The following MAPK8IP2 variants were observed in gnomAD, a reference collection of about 807,000 sequenced individuals.
MAPK8IP2 encodes mitogen-activated protein kinase 8 interacting protein 2.
Under a neutral mutation model 75.6 loss-of-function variants are expected in MAPK8IP2, and 15 were observed. The observed-to-expected ratio is 0.20, with a 90% CI of 0.13 to 0.31. The LOEUF (loss-of-function observed/expected upper bound fraction) is 0.31. MAPK8IP2 is among the 10% of genes least tolerant of loss of function. The pLI is 1.00. For missense variants in MAPK8IP2, 1,089 were observed against 1,211.2 expected, an observed-to-expected ratio of 0.90 and a Z score of 1.50; for synonymous variants, 632 against 554.5, an observed-to-expected ratio of 1.14 and a Z score of -1.96.
rs1482984346 is a variant in MAPK8IP2, at chr22:50,612,893, T to TGCCCG, written c.*2119_*2123dup. 4.6e-4 allele frequency: 14 copies of TGCCCG among 30,172 alleles called. 1 individual carries two copies. Among genetic ancestry groups the TGCCCG allele is most frequent in the Non-Finnish European group, 7.6e-4 (12 of 15,850 alleles). The allele number at this position is 30,172 out of a possible 1,614,324, so 1.9% of individuals were successfully genotyped here. A position where few individuals can be genotyped will look rare whatever the true frequency, so the allele number is the denominator to read the frequency against. ...CCCCTGCCCGGCCTGGCCCCGCCCC[T>TGCCCG]GCCCGGCCCCGCCCCCCAACGTGTC... On this transcript the variant is annotated 3_prime_UTR_variant, in exon 12 of 12. Coordinates refer to ENST00000329492, the MANE Select transcript of MAPK8IP2 (RefSeq NM_012324.6).
At position 50,604,016 on chromosome 22, in the gene MAPK8IP2, C is replaced by T; in HGVS notation, c.717C>T (p.Gly239=). 1.9e-6 allele frequency: 3 copies of T among 1,553,672 alleles called. No homozygotes were observed. The highest frequency in any genetic ancestry group is 1.7e-4 in the Middle Eastern group (1 of 5,892). ...ACCTGAGAAGCCGCTCGAGCGGCGG[C>T]CGCGGGGGACGTCGCAGCAGCCAGG... ...EADLRSRSSG[G]RGGRRSSQEL... Residue 239 remains glycine, a synonymous_variant, in exon 5 of 12, where the codon GGC becomes GGT. Coordinates refer to ENST00000329492, the MANE Select transcript of MAPK8IP2 (RefSeq NM_012324.6).
Position 50,603,491 on chromosome 22 carries a change from G to A in MAPK8IP2, c.440G>A (p.Gly147Glu), listed in dbSNP as rs1291210101. 6.4e-7 allele frequency: 1 copy of A among 1,561,242 alleles called. No homozygotes were observed. Among genetic ancestry groups the A allele is most frequent in the Non-Finnish European group, 8.7e-7 (1 of 1,149,756 alleles). The change falls in exon 3 of 12, where the codon GGG (glycine) becomes GAG (glutamate). Residue 147 changes from glycine (G) to glutamate (E), a missense_variant. Transcript: ENST00000329492. ...RPTTLRLTTL[G>E]AQDSLNNNGG... The stretch of plus-strand genomic sequence containing the variant: ...ACCACCCTCCGTCTGACCACACTGG[G>A]GGCCCAGGTGAGTGCCCGGACCCAC...
intron 5 of MAPK8IP2, 93 bp from the exon 6 acceptor site, chr22:50,605,275 G>T: frequency 7.9e-7 from 1 of 1,267,168 alleles, no homozygotes; most frequent in East Asian, 2.4e-5. Flanking sequence ...GGACTGTGGA[G>T]GGGACTTGGC....
In MAPK8IP2 at chr22:50,605,751, G is replaced by C; in HGVS notation, c.2014+17G>C. 1 of 1,604,718 alleles carries C rather than the reference G, an allele frequency of 6.2e-7. No individual in the cohort carries two copies. The highest frequency in any genetic ancestry group is 8.5e-7 in the Non-Finnish European group (1 of 1,176,016). ...ACCTGCTGGGTGAGGTCCCAACCCCGAGGGGAGGCTTTTCACCCCAGATCC... is the reference window on the plus strand; with the variant it reads ...ACCTGCTGGGTGAGGTCCCAACCCCCAGGGGAGGCTTTTCACCCCAGATCC... On this transcript the variant is annotated intron_variant, in intron 7 of 11. Coordinates refer to ENST00000329492, the MANE Select transcript of MAPK8IP2 (RefSeq NM_012324.6).
Position 50,604,768 on chromosome 22 carries a change from G to A in MAPK8IP2, c.1469G>A (p.Gly490Glu), listed in dbSNP as rs970755429. ...GCCGAGGACAGTGCGGGGTCCCCCG[G>A]GGGCAGGGGCACGGGCCCCTCGGCG... is the stretch of plus-strand genomic sequence containing the variant. ...EDAEDSAGSP[G>E]GRGTGPSAPR... is the part of the protein sequence containing the mutation. Residue 490 changes from glycine to glutamate, a missense_variant, in exon 5 of 12, where the codon GGG (glycine) becomes GAG (glutamate). This residue lies in a region of MAPK8IP2 where 960 missense variants were observed against 1,009.6 expected (regional missense o/e 0.95). Transcript: ENST00000329492. 10 of 1,544,426 alleles carry A rather than the reference G, an allele frequency of 6.5e-6. No homozygotes were observed. Among genetic ancestry groups the A allele is most frequent in the South Asian group, 1.2e-5 (1 of 83,970 alleles).
rs1238217658 is a variant in MAPK8IP2 at position 50,606,741 on chromosome 22, G to T, written c.2208G>T (p.Leu736=). The T allele has an allele frequency of 6.3e-7, 1 of 1,584,894 alleles. No homozygotes were observed. The highest frequency in any genetic ancestry group is 2.3e-5 in the East Asian group (1 of 43,322). ...AGATCTCTCTTCGGGGGGTCAAGCT[G>T]AGTCTGAGCGGAGGAGGGCCCGAGG... ...DLEISLRGVK[L]SLSGGGPEFQ... The change falls in exon 9 of 12, where the codon CTG becomes CTT. Residue 736 remains leucine (L), a synonymous_variant. Transcript: ENST00000329492.
Position 50,605,392 on chromosome 22 carries a change from C to T in MAPK8IP2, c.1790C>T (p.Ser597Phe). The T allele has an allele frequency of 1.2e-6, 2 of 1,613,692 alleles. No individual in the cohort carries two copies. The highest frequency in any genetic ancestry group is 1.1e-5 in the South Asian group (1 of 91,082). ...GGCACCGAGTCCTTTGGCCTTTTCTCCTGTCTGGTCAACGGCGAGGAGCGA... is the reference window on the plus strand; with the variant it reads ...GGCACCGAGTCCTTTGGCCTTTTCTTCTGTCTGGTCAACGGCGAGGAGCGA... ...SSSTESFGLF[S>F]CLVNGEEREQ... Residue 597 changes from serine to phenylalanine, a missense_variant, in exon 6 of 12, where the codon TCC becomes TTC. Physicochemically the swap from Ser to Phe is radical, Grantham distance 155. Coordinates refer to ENST00000329492, the MANE Select transcript of MAPK8IP2 (RefSeq NM_012324.6).
At chr22:50,606,265 C>A (rs1476055234) in intron 8 of MAPK8IP2, among the ~76,000 whole-genome samples, 1 of 148,770 alleles carries the variant, frequency 6.7e-6, no homozygotes, top group African/African-American at 2.5e-5. Flanking sequence ...TCCCTGGGAG[C>A]CCTCTACTCA....
chr22:50,604,500 G>C lies in MAPK8IP2; in HGVS notation c.1201G>C (p.Ala401Pro). 8.2e-7 allele frequency: 1 copy of C among 1,220,146 alleles called. No homozygotes were observed. Among genetic ancestry groups the C allele is most frequent in the Non-Finnish European group, 1.0e-6 (1 of 982,288 alleles). 75.6% of individuals were successfully genotyped at this position (1,220,146 alleles called of 1,614,324 possible). ...AQDSQDPEAAAGPGGVELVDM... is the reference protein window; with the variant it reads ...AQDSQDPEAAPGPGGVELVDM... ...GGACTCCCAGGACCCCGAGGCGGCC[G>C]CGGGGCCCGGCGGCGTGGAGCTGGT... The change falls in exon 5 of 12, where the codon GCG (alanine) becomes CCG (proline). Residue 401 changes from alanine (A) to proline (P), a missense_variant. Ala to Pro is a conservative substitution (Grantham distance 27, BLOSUM62 -1). Transcript: ENST00000329492.
chr22:50,604,660 G>C lies in MAPK8IP2; in HGVS notation c.1361G>C (p.Gly454Ala), dbSNP rs901673463. Residue 454 changes from glycine to alanine, a missense_variant, in exon 5 of 12, where the codon GGC (glycine) becomes GCC (alanine). This residue lies in a region of MAPK8IP2 where 960 missense variants were observed against 1,009.6 expected (regional missense o/e 0.95). Coordinates refer to ENST00000329492, the MANE Select transcript of MAPK8IP2 (RefSeq NM_012324.6). ...ATCACGCCGCTGTGGGCCGCGCCCG[G>C]CCGCGCCGCCCGCCCGGGACGAGCC... ...DTITPLWAAPGRAARPGRACS... is the reference protein window; with the variant it reads ...DTITPLWAAPARAARPGRACS... 146 of 1,520,864 alleles carry C rather than the reference G, an allele frequency of 9.6e-5. 2 individuals carry two copies. The highest frequency in any genetic ancestry group is 3.3e-4 in the East Asian group (13 of 39,962). The allele number at this position is 1,520,864 out of a possible 1,614,324, so 94.2% of individuals were successfully genotyped here. A position where few individuals can be genotyped will look rare whatever the true frequency, so the allele number is the denominator to read the frequency against.
intron 5 of MAPK8IP2, 51 bp from the exon 6 acceptor site, chr22:50,605,317 T>C (rs927369436): frequency 1.9e-6 from 3 of 1,562,728 alleles, no homozygotes; most frequent in Non-Finnish European, 2.6e-6. Context: ...TAAGCACTAC[T>C]CTGACTCTGT....
rs888595809 is a variant in MAPK8IP2 at position 50,613,075 on chromosome 22, G to T, written c.*2296G>T. ...TCCACGCCCCATGCTGGGCTTGGTC[G>T]GTTCTGGGGTCTACCTCTCTGGCTT... On this transcript the variant is annotated 3_prime_UTR_variant, in exon 12 of 12. Transcript: ENST00000329492. 1.0e-4 allele frequency: 16 copies of T among 152,526 alleles called. No individual in the cohort carries two copies. The highest frequency in any genetic ancestry group is 2.0e-4 in the Non-Finnish European group (14 of 68,310). The allele number at this position is 152,526 out of a possible 1,614,324, so 9.4% of individuals were successfully genotyped here.
chr22:50,608,840 A>G (rs1031512015), intron 10 of MAPK8IP2, among the ~76,000 whole-genome samples: 4 of 150,622 alleles, frequency 2.7e-5, no homozygotes, highest in African/African-American at 9.8e-5. Context: ...CGCAGACCAG[A>G]CAGTGGGGAC....
At chr22:50,601,157 G>C (rs1480444742) in intron 1 of MAPK8IP2, 2 of 157,584 alleles carry the variant, frequency 1.3e-5, no homozygotes, top group East Asian at 3.7e-4. Flanking sequence ...GACCTGTCAA[G>C]GGTGGAGGCC....
In MAPK8IP2 at chr22:50,612,010, A is replaced by C. The variant is rs574553991; in HGVS notation, c.*1231A>C. ...AACATGGTGAAACCCCATCTCCACAAAAAATACAAAAATTAGCTAGGTGTC... is the reference window on the plus strand; with the variant it reads ...AACATGGTGAAACCCCATCTCCACACAAAATACAAAAATTAGCTAGGTGTC... On this transcript the variant is annotated 3_prime_UTR_variant, in exon 12 of 12. Transcript: ENST00000329492. 4 of 152,278 alleles carry C rather than the reference A, an allele frequency of 2.6e-5. No individual in the cohort carries two copies. The South Asian group carries it at 8.3e-4, about 32-fold the overall frequency. 9.4% of individuals were successfully genotyped at this position (152,278 alleles called of 1,614,324 possible).
chr22:50,605,064 A>G lies in MAPK8IP2; in HGVS notation c.1765A>G (p.Ser589Gly), dbSNP rs770751117. Residue 589 changes from serine to glycine, a missense_variant and splice_region_variant, in exon 5 of 12, where the codon AGC (serine) becomes GGC (glycine). Physicochemically the swap from Ser to Gly is moderately conservative, Grantham distance 56 (BLOSUM62 0). Transcript: ENST00000329492. ...VFVNSTSRSS[S>G]TESFGLFSCL... ...CGTCAACAGCACATCTCGGTCCTCC[A>G]GTGAGTGAGAGGTGGGGAAAAGGGG... The G allele has an allele frequency of 3.1e-6, 5 of 1,612,188 alleles. No individual in the cohort carries two copies. Among genetic ancestry groups the G allele is most frequent in the Non-Finnish European group, 4.2e-6 (5 of 1,179,750 alleles).
Position 50,605,570 on chromosome 22 carries a change from C to A in MAPK8IP2, c.1850C>A (p.Pro617Gln). The change falls in exon 7 of 12, where the codon CCG (proline) becomes CAG (glutamine). Residue 617 changes from proline (P) to glutamine (Q), a missense_variant. By Grantham distance (76) the Pro-to-Gln change is moderately conservative. Transcript: ENST00000329492. ...QTHRAVFRFI[P>Q]RHPDELELDV... ...CTCTCCCCCAACGGCAGGTTCATCC[C>A]GCGGCATCCAGACGAGCTGGAGCTG... is the stretch of plus-strand genomic sequence containing the variant. 6.3e-7 allele frequency: 1 copy of A among 1,582,578 alleles called. No individual in the cohort carries two copies. Among genetic ancestry groups the A allele is most frequent in the East Asian group, 2.3e-5 (1 of 43,296 alleles).
At position 50,610,161 on chromosome 22, in the gene MAPK8IP2, C is replaced by T. The variant is rs2146695047; in HGVS notation, c.2304-51C>T. 2 of 1,432,436 alleles carry T rather than the reference C, an allele frequency of 1.4e-6. No homozygotes were observed. The highest frequency in any genetic ancestry group is 2.4e-5 in the East Asian group (1 of 41,154). 88.7% of individuals were successfully genotyped at this position (1,432,436 alleles called of 1,614,324 possible). ...TCTCTCTACATCATTTGTGGGGTGG[C>T]CAAGGCTGGGCCAGGGCTCTGACGT... is the stretch of plus-strand genomic sequence containing the variant. On this transcript the variant is annotated intron_variant, in intron 10 of 11. Coordinates refer to ENST00000329492, the MANE Select transcript of MAPK8IP2 (RefSeq NM_012324.6). The surrounding 1 kb of genome is among the most constrained non-coding windows in gnomAD (Gnocchi z 4.3).
chr22:50,609,138 G>T (rs1603444437), intron 10 of MAPK8IP2, among the ~76,000 whole-genome samples: 1 of 152,222 alleles, frequency 6.6e-6, no homozygotes, highest in Admixed American at 6.5e-5. Context: ...ACGAAACCGT[G>T]TGAGGTGAAC....
Sources: gnomAD v4.1 joint callset for allele counts (sites outside exome capture counted in the v4.1 genomes callset) on GRCh38, gnomAD v4.1.1 for gene constraint, gnomAD v4.1.1 regional missense constraint, Gnocchi (gnomAD v3.1) non-coding constraint, MANE v1.5 for transcripts, NCBI Gene and HGNC (gene_info 2026-07-23, HGNC 2026-07-21) for gene names.